Variants in YME1L1 observed in about 807,000 individuals in gnomAD.
YME1L1 encodes YME1 like 1 ATPase.
YME1L1 carries 39 observed loss-of-function variants against 90.4 expected under a neutral mutation model. The ratio of observed to expected loss-of-function variants is 0.43; its 90% CI spans 0.33 to 0.56. YME1L1 has a LOEUF of 0.56. YME1L1 is among the 20% of genes least tolerant of loss of function. The pLI, the probability that YME1L1 is intolerant of heterozygous loss-of-function variation, is 0.03. For missense variants in YME1L1, 617 were observed against 868.4 expected, an observed-to-expected ratio of 0.71 and a Z score of 3.64; for synonymous variants, 284 against 287.3, an observed-to-expected ratio of 0.99 and a Z score of 0.12.
intron 4 of YME1L1, among the ~76,000 whole-genome samples, chr10:27,138,615 A>G (rs1450860812): frequency 2.0e-5 from 3 of 152,210 alleles, no homozygotes; most frequent in Non-Finnish European, 2.9e-5. Context: ...CCGCTAGAAT[A>G]TAAGAAAGCT....
At chr10:27,148,763 T>A in intron 2 of YME1L1, 143 bp downstream of exon 2, 1 of 916,834 alleles carries the variant, frequency 1.1e-6, no homozygotes, top group South Asian at 1.5e-5. Flanking sequence ...TAGTAGGGTA[T>A]TAGTAGTTAA....
At chr10:27,122,299 G>C (rs1435268815) in intron 11 of YME1L1, among the ~76,000 whole-genome samples, 5 of 152,140 alleles carry the variant, frequency 3.3e-5, no homozygotes, top group Non-Finnish European at 7.4e-5. Flanking sequence ...TTAGGTGCCT[G>C]GTTAATTTTT....
intron 1 of YME1L1, among the ~76,000 whole-genome samples, chr10:27,149,644 G>A (rs2057186778): frequency 7.0e-6 from 1 of 142,360 alleles, no homozygotes; most frequent in African/African-American, 2.6e-5. Context: ...TCAGGAGGCG[G>A]AAGTTGCAGT....
At position 27,126,803 on chromosome 10, in the gene YME1L1, T is replaced by A. The variant is rs140772478; in HGVS notation, c.859-17A>T. 1,934 of 1,488,114 alleles carry A rather than the reference T, an allele frequency of 1.3e-3. 2 individuals carry two copies. The highest frequency in any genetic ancestry group is 1.7e-3 in the Non-Finnish European group (1,800 of 1,089,438). The allele number at this position is 1,488,114 out of a possible 1,614,324, so 92.2% of individuals were successfully genotyped here. A position where few individuals can be genotyped will look rare whatever the true frequency, so the allele number is the denominator to read the frequency against. On this transcript the variant is annotated splice_polypyrimidine_tract_variant and intron_variant, in intron 8 of 18. Coordinates refer to ENST00000376016, the MANE Select transcript of YME1L1 (RefSeq NM_014263.4). ...TTCCTCCACCTAAAGTGACACAATTTTCCAAATAACTTTAGATAATGGACA... is the reference window on the plus strand; with the variant it reads ...TTCCTCCACCTAAAGTGACACAATTATCCAAATAACTTTAGATAATGGACA...
intron 9 of YME1L1, among the ~76,000 whole-genome samples, chr10:27,124,660 T>C (rs79543781): frequency 0.012 from 1,823 of 152,314 alleles, 22 homozygotes; most frequent in South Asian, 0.034. Flanking sequence ...TGAAGATTTT[T>C]CTACAAATTT....
In YME1L1 at chr10:27,136,391, T is replaced by A. The variant is rs754505797; in HGVS notation, c.431-6A>T. On this transcript the variant is annotated splice_polypyrimidine_tract_variant and splice_region_variant and intron_variant, in intron 4 of 18. Coordinates refer to ENST00000376016, the MANE Select transcript of YME1L1 (RefSeq NM_014263.4). ...ACCCCGAGACTGTATGAAAACTAAA[T>A]AAAACAATACCATTCACTGTCACTA... 18 of 1,601,640 alleles carry A rather than the reference T, an allele frequency of 1.1e-5. No individual in the cohort carries two copies. The highest frequency in any genetic ancestry group is 1.5e-5 in the Non-Finnish European group (18 of 1,170,680).
intron 8 of YME1L1, among the ~76,000 whole-genome samples, chr10:27,130,537 C>A (rs2056965350): frequency 6.6e-6 from 1 of 152,190 alleles, no homozygotes; most frequent in Non-Finnish European, 1.5e-5. Context: ...CCTTTGTCCC[C>A]CAGATCTGCT....
At chr10:27,117,428 C>A in intron 15 of YME1L1, 148 bp downstream of exon 15, 1 of 775,290 alleles carries the variant, frequency 1.3e-6, no homozygotes, top group South Asian at 1.9e-5. Context: ...ATTAGCTGGG[C>A]GTGGTGGTGG....
intron 13 of YME1L1, 119 bp from the exon 14 acceptor site, chr10:27,119,568 G>A: frequency 1.8e-6 from 2 of 1,105,322 alleles, no homozygotes; most frequent in Non-Finnish European, 1.2e-6. Context: ...CAGCACTTTG[G>A]GAGGCTGGGG....
chr10:27,123,537 C>A lies in YME1L1; in HGVS notation c.1102+10G>T. ...ATTTAGCACTGCATCAAAGATACAC[C>A]AAAACGTACTAAAAAGATTTCTGAT... On this transcript the variant is annotated intron_variant, in intron 10 of 18. Transcript: ENST00000376016. 1 of 1,613,038 alleles carries A rather than the reference C, an allele frequency of 6.2e-7. No homozygotes were observed. Among genetic ancestry groups the A allele is most frequent in the South Asian group, 1.1e-5 (1 of 90,950 alleles).
intron 1 of YME1L1, among the ~76,000 whole-genome samples, chr10:27,149,711 C>CAA (rs58900380): frequency 0.043 from 1,382 of 32,266 alleles, 159 homozygotes; most frequent in East Asian, 0.16. Context: ...ACCTGTCTCT[C>CAA]AAAAAAAAAA....
intron 9 of YME1L1, among the ~76,000 whole-genome samples, 174 bp downstream of exon 9, chr10:27,126,522 C>T (rs1392078676): frequency 6.7e-6 from 1 of 149,092 alleles, no homozygotes. Flanking sequence ...CTTGCAGTTA[C>T]CAAAAAAAAA....
chr10:27,143,863 T>A (rs2057116171), intron 3 of YME1L1, among the ~76,000 whole-genome samples: 1 of 152,188 alleles, frequency 6.6e-6, no homozygotes, highest in Non-Finnish European at 1.5e-5. Context: ...CTCATAAAGC[T>A]TCCCTAGTCA....
At chr10:27,120,175 A>G (rs1481499768) in intron 13 of YME1L1, among the ~76,000 whole-genome samples, 1 of 152,102 alleles carries the variant, frequency 6.6e-6, no homozygotes, top group East Asian at 1.9e-4. Flanking sequence ...GTGTGTGTGT[A>G]TGTATATGTA....
Position 27,117,753 on chromosome 10 carries a change from A to G in YME1L1, c.1568-26T>C, listed in dbSNP as rs1386621880. The G allele has an allele frequency of 1.9e-6, 3 of 1,609,816 alleles. No individual in the cohort carries two copies. In the African/African-American group the frequency reaches 4.0e-5, roughly 22 times the overall value. On this transcript the variant is annotated intron_variant, in intron 14 of 18. Transcript: ENST00000376016. ...CTAAGATAAATTTAATTGAGTAAAT[A>G]CTCCATTAGAAAGGTATATTTAAAT...
chr10:27,139,212 T>C (rs2057060607), intron 4 of YME1L1, among the ~76,000 whole-genome samples: 1 of 152,110 alleles, frequency 6.6e-6, no homozygotes, highest in Admixed American at 6.6e-5. Context: ...TATATATATT[T>C]TTTAGATAGG....
Position 27,119,464 on chromosome 10 carries a change from G to A in YME1L1, c.1412-15C>T, listed in dbSNP as rs992236012. On this transcript the variant is annotated splice_polypyrimidine_tract_variant and intron_variant, in intron 13 of 18. Coordinates refer to ENST00000376016, the MANE Select transcript of YME1L1 (RefSeq NM_014263.4). ...TGGATCAACGGCTAATGTAAAAAGA[G>A]AACACAACGCTAATAAGTCTAAAAC... 2 of 1,600,156 alleles carry A rather than the reference G, an allele frequency of 1.2e-6. No individual in the cohort carries two copies. Among genetic ancestry groups the A allele is most frequent in the Non-Finnish European group, 1.7e-6 (2 of 1,176,184 alleles).
Position 27,111,464 on chromosome 10 carries a change from G to A in YME1L1, c.*513C>T, listed in dbSNP as rs1001009242. On this transcript the variant is annotated 3_prime_UTR_variant, in exon 19 of 19. Coordinates refer to ENST00000376016, the MANE Select transcript of YME1L1 (RefSeq NM_014263.4). ...CCGCCTCAGCCTCCAAAAGTGCTGG[G>A]ATTACAGATGTGAGCCATGGCACCA... 3 of 176,140 alleles carry A rather than the reference G, an allele frequency of 1.7e-5. No homozygotes were observed. Among genetic ancestry groups the A allele is most frequent in the African/African-American group, 7.2e-5 (3 of 41,628 alleles). The allele number at this position is 176,140 out of a possible 1,614,324, so 10.9% of individuals were successfully genotyped here. A position where few individuals can be genotyped will look rare whatever the true frequency, so the allele number is the denominator to read the frequency against.
At chr10:27,112,410 C>G (rs1318555782) in intron 18 of YME1L1, among the ~76,000 whole-genome samples, 2 of 152,170 alleles carry the variant, frequency 1.3e-5, no homozygotes, top group Non-Finnish European at 2.9e-5. Flanking sequence ...AGCATTCCCT[C>G]TACTTCCTTG....
Sources: gnomAD v4.1 joint callset for allele counts (sites outside exome capture counted in the v4.1 genomes callset) on GRCh38, gnomAD v4.1.1 for gene constraint, MANE v1.5 for transcripts, NCBI Gene and HGNC (gene_info 2026-07-23, HGNC 2026-07-21) for gene names.